The following ERC1 variants were observed in gnomAD, a reference collection of about 807,000 sequenced individuals.
ERC1 encodes the protein ELKS/RAB6-interacting/CAST family member 1.
ERC1 carries 56 observed loss-of-function variants against 132.0 expected under a neutral mutation model. The observed-to-expected ratio is 0.42, with a 90% CI of 0.34 to 0.53. The LOEUF is 0.53. Among genes scored for constraint, ERC1 ranks in the 20% least tolerant of loss-of-function variants. The probability of loss-of-function intolerance (pLI) is 0.03; values close to 1 mark genes in which losing one functional copy is unlikely to be tolerated. For missense variants in ERC1, 1,202 were observed against 1,349.9 expected, an observed-to-expected ratio of 0.89 and a Z score of 1.72; for synonymous variants, 478 against 476.1, an observed-to-expected ratio of 1.00 and a Z score of -0.05.
At chr12:1,069,238 A>T (rs927473447) in intron 2 of ERC1, among the ~76,000 whole-genome samples, 6 of 152,182 alleles carry the variant, frequency 3.9e-5, no homozygotes, top group Admixed American at 1.3e-4. Flanking sequence ...ATATGATTAG[A>T]TATCAAGGTT....
Position 1,116,051 on chromosome 12 carries a change from A to G in ERC1, c.1569+18A>G, listed in dbSNP as rs550103041. 2 of 1,596,924 alleles carry G rather than the reference A, an allele frequency of 1.3e-6. No homozygotes were observed. The highest frequency in any genetic ancestry group is 2.7e-5 in the African/African-American group (2 of 74,558). On this transcript the variant is annotated intron_variant, in intron 7 of 18. Coordinates refer to ENST00000360905, the MANE Select transcript of ERC1 (RefSeq NM_178040.4). ...AGACTGAGGTAGAAACAATTCTGGG[A>G]TTTGTGGGGAGTTGGTTTCTTGGCA...
chr12:1,116,192 T>G, intron 7 of ERC1, 159 bp downstream of exon 7: 2 of 579,098 alleles, frequency 3.5e-6, no homozygotes, highest in Non-Finnish European at 5.8e-6. Context: ...AATGTAACCA[T>G]CTTATTTCAG....
chr12:1,116,131 T>G, intron 7 of ERC1, 98 bp downstream of exon 7: 1 of 1,021,922 alleles, frequency 9.8e-7, no homozygotes, highest in Non-Finnish European at 1.4e-6. Context: ...TTGGGAAATA[T>G]GAGTAATGTT....
chr12:1,266,169 A>G (rs375031284), intron 14 of ERC1, among the ~76,000 whole-genome samples: 2 of 152,204 alleles, frequency 1.3e-5, no homozygotes, highest in East Asian at 3.9e-4. Context: ...TTTGCTTTTA[A>G]TTGTATGCTT....
chr12:1,348,259 T>C (rs1004588673), intron 15 of ERC1, among the ~76,000 whole-genome samples: 3 of 152,234 alleles, frequency 2.0e-5, no homozygotes, highest in African/African-American at 4.8e-5. Flanking sequence ...AGAGTATGTC[T>C]GCTACTCTTG....
chr12:1,488,208 T>A (rs900787208), intron 18 of ERC1, among the ~76,000 whole-genome samples: 1 of 150,618 alleles, frequency 6.6e-6, no homozygotes, highest in African/African-American at 2.4e-5. Context: ...CTCAAACTCC[T>A]GGGCTCAAGC....
chr12:1,052,339 G>A (rs927997491), intron 2 of ERC1, among the ~76,000 whole-genome samples: 1 of 152,040 alleles, frequency 6.6e-6, no homozygotes, highest in African/African-American at 2.4e-5. Flanking sequence ...AAATAATTAC[G>A]TAAACACAAA....
At chr12:1,024,870 G>A (rs1966840246) in intron 1 of ERC1, among the ~76,000 whole-genome samples, 1 of 148,740 alleles carries the variant, frequency 6.7e-6, no homozygotes, top group Admixed American at 6.7e-5. Context: ...AAATACTTGG[G>A]AAAAAATAAT....
chr12:1,489,166 A>C (rs1277015902), intron 18 of ERC1, among the ~76,000 whole-genome samples: 1 of 152,028 alleles, frequency 6.6e-6, no homozygotes, highest in African/African-American at 2.4e-5. Context: ...TGCCATCCTG[A>C]GGCTTCCCTT....
intron 17 of ERC1, among the ~76,000 whole-genome samples, chr12:1,423,215 A>G (rs952539390): frequency 6.6e-6 from 1 of 152,124 alleles, no homozygotes; most frequent in Non-Finnish European, 1.5e-5. Flanking sequence ...GATCCAAAAA[A>G]CATTACTGCC....
At chr12:995,809 G>T (rs188058643) in intron 1 of ERC1, among the ~76,000 whole-genome samples, 4 of 152,202 alleles carry the variant, frequency 2.6e-5, no homozygotes, top group Admixed American at 2.0e-4. Context: ...TTCTAGATAC[G>T]TGAGGGGAAA....
chr12:1,123,769 T>C (rs995724590), intron 7 of ERC1, among the ~76,000 whole-genome samples: 1 of 151,878 alleles, frequency 6.6e-6, no homozygotes, highest in African/African-American at 2.4e-5. Context: ...CTGAGGCGGG[T>C]GGATCACCTG....
chr12:1,331,372 G>A (rs73036668), intron 15 of ERC1, among the ~76,000 whole-genome samples: 5,181 of 152,262 alleles, frequency 0.034, 108 homozygotes, highest in African/African-American at 0.045. Context: ...CATATTGGGT[G>A]ACTATACAAT....
chr12:1,052,159 C>T (rs1385165221), intron 2 of ERC1, among the ~76,000 whole-genome samples: 3 of 152,148 alleles, frequency 2.0e-5, no homozygotes, highest in Admixed American at 6.5e-5. Context: ...AATTTCTGAT[C>T]GAGTAGGTCT....
intron 10 of ERC1, among the ~76,000 whole-genome samples, chr12:1,182,374 A>G (rs933774459): frequency 1.3e-5 from 2 of 152,240 alleles, no homozygotes; most frequent in African/African-American, 4.8e-5. Flanking sequence ...AAAGATAAGA[A>G]AGTTGACAGA....
At chr12:1,269,436 T>G (rs2077676840) in intron 14 of ERC1, among the ~76,000 whole-genome samples, 1 of 152,094 alleles carries the variant, frequency 6.6e-6, no homozygotes, top group Non-Finnish European at 1.5e-5. Context: ...GCTGAACGTG[T>G]CTAAGGAAGA....
In ERC1 at chr12:1,207,383, T is replaced by G. The variant is rs187406838; in HGVS notation, c.2351+17331T>G. ...ATCTATTTACAAGGAGTTTGACTTA[T>G]GGGCAAGAGTTTATAACCCAGGAGA... On this transcript the variant is annotated intron_variant, in intron 12 of 18. Coordinates refer to ENST00000360905, the MANE Select transcript of ERC1 (RefSeq NM_178040.4). Among the ~76,000 whole-genome samples, 5 of 152,328 alleles carry G rather than the reference T, an allele frequency of 3.3e-5. No individual in the cohort carries two copies. The South Asian group carries it at 1.0e-3, about 32-fold the overall frequency.
At chr12:1,100,883 A>G (rs1944584435) in intron 3 of ERC1, among the ~76,000 whole-genome samples, 1 of 152,182 alleles carries the variant, frequency 6.6e-6, no homozygotes, top group African/African-American at 2.4e-5. Flanking sequence ...TATAGGTGGA[A>G]AAGAGAAGCC....
chr12:1,005,961 CTT>C (rs10627402), intron 1 of ERC1, among the ~76,000 whole-genome samples: 15 of 142,286 alleles, frequency 1.1e-4, no homozygotes, highest in East Asian at 2.0e-4. Flanking sequence ...ATTCTTATTA[CTT>C]TTTTTTTTTT....
Sources: gnomAD v4.1 joint callset for allele counts (sites outside exome capture counted in the v4.1 genomes callset) on GRCh38, gnomAD v4.1.1 for gene constraint, MANE v1.5 for transcripts, NCBI Gene and HGNC (gene_info 2026-07-23, HGNC 2026-07-21) for gene names.